The following PDE4DIP variants were observed in gnomAD, a reference collection of about 807,000 sequenced individuals.
PDE4DIP encodes myomegalin.
PDE4DIP carries 59 observed loss-of-function variants against 221.4 expected under a neutral mutation model. The observed-to-expected ratio is 0.27, with a 90% CI of 0.22 to 0.33. The LOEUF is 0.33. Among genes scored for constraint, PDE4DIP ranks in the 10% least tolerant of loss-of-function variants. The pLI is 1.00. For missense variants in PDE4DIP, 1,036 were observed against 2,154.2 expected (o/e 0.48, Z 10.28); for synonymous variants, 404 against 815.9 (o/e 0.50, Z 8.60).
chr1:148,943,990 A>C (rs1367564286), intron 5 of PDE4DIP, among the ~76,000 whole-genome samples: 1 of 152,152 alleles, frequency 6.6e-6, no homozygotes, highest in Non-Finnish European at 1.5e-5. Flanking sequence ...CCACCTCCTA[A>C]TACCATTATG....
intron 1 of PDE4DIP, among the ~76,000 whole-genome samples, chr1:148,824,713 C>T (rs1274714237): frequency 3.7e-5 from 1 of 26,854 alleles, no homozygotes. Context: ...AGGCTGAAGA[C>T]TATGCCAAGC....
At chr1:148,978,023 G>T in exon 18 of PDE4DIP, 1 of 1,613,936 alleles carries the variant, frequency 6.2e-7, no homozygotes, top group South Asian at 1.1e-5. Flanking sequence ...CTCTGACCAG[G>T]AACATACAGA....
At chr1:149,015,580 A>T (rs587688741) in intron 32 of PDE4DIP, among the ~76,000 whole-genome samples, 129 of 152,272 alleles carry the variant, frequency 8.5e-4, no homozygotes, top group Non-Finnish European at 1.5e-3. Context: ...AAGGCCTATG[A>T]TTTCAAAGGA....
At chr1:148,927,456 T>C (rs2046969997) in intron 1 of PDE4DIP, among the ~76,000 whole-genome samples, 1 of 152,056 alleles carries the variant, frequency 6.6e-6, no homozygotes, top group African/African-American at 2.4e-5. Context: ...GTTTCTACTT[T>C]TCCCAATTAG....
exon 27 of PDE4DIP, chr1:149,005,236 A>T: frequency 6.3e-7 from 1 of 1,594,468 alleles, no homozygotes; most frequent in South Asian, 1.1e-5. Flanking sequence ...GGCACCTTGG[A>T]GGGGTCTTCA....
At chr1:148,947,140 A>C (rs1462021275) in intron 5 of PDE4DIP, among the ~76,000 whole-genome samples, 3 of 152,302 alleles carry the variant, frequency 2.0e-5, no homozygotes, top group Non-Finnish European at 4.4e-5. Context: ...TTGATTTAAC[A>C]AATACTTTAA....
chr1:148,952,049 G>C (rs1553489476), intron 5 of PDE4DIP: 5 of 1,010,892 alleles, frequency 4.9e-6, no homozygotes, highest in Non-Finnish European at 5.9e-6. Flanking sequence ...ACGTGGCACT[G>C]TCCGAGAATG....
chr1:148,828,312 A>AT (rs587733287), intron 1 of PDE4DIP, among the ~76,000 whole-genome samples: 9 of 62,458 alleles, frequency 1.4e-4, no homozygotes, highest in Admixed American at 5.2e-4. Context: ...TGGCAGCAAT[A>AT]TTTTTTTTTT....
rs782508561 is a variant in PDE4DIP, at chr1:148,966,821, G to A, written c.1468-18G>A. 5 of 890,028 alleles carry A rather than the reference G, an allele frequency of 5.6e-6. No homozygotes were observed. The highest frequency in any genetic ancestry group is 5.2e-5 in the South Asian group (4 of 76,238). The allele number at this position is 890,028 out of a possible 1,614,324, so 55.1% of individuals were successfully genotyped here. On this transcript the variant is annotated intron_variant, in intron 11 of 43. Transcript: ENST00000369354. ...TAGTAAATCTTACAGAGCTTTAGGA[G>A]TCTTCCTTTCCTTGCAGCGGGCTAT...
chr1:148,992,209 T>C (rs782172523), intron 22 of PDE4DIP: 8 of 825,236 alleles, frequency 9.7e-6, no homozygotes, highest in South Asian at 3.0e-5. Context: ...TTTCTTCTGC[T>C]TCCTTCCCCC....
chr1:148,936,659 A>G (rs1362040218), intron 4 of PDE4DIP, among the ~76,000 whole-genome samples: 1 of 151,822 alleles, frequency 6.6e-6, no homozygotes, highest in African/African-American at 2.4e-5. Context: ...ATATAAAAAT[A>G]TTTTCCTTAT....
intron 22 of PDE4DIP, chr1:148,992,695 C>G (rs1553561105): frequency 9.4e-7 from 1 of 1,062,964 alleles, no homozygotes; most frequent in Non-Finnish European, 1.1e-6. Context: ...CCTATAATGT[C>G]TCCACTTTGT....
At position 149,030,291 on chromosome 1, in the gene PDE4DIP, C is replaced by T. The variant is rs1553635734; in HGVS notation, c.6999+13C>T. 1.3e-6 allele frequency: 2 copies of T among 1,529,686 alleles called. No individual in the cohort carries two copies. The highest frequency in any genetic ancestry group is 1.8e-6 in the Non-Finnish European group (2 of 1,127,716). The allele number at this position is 1,529,686 out of a possible 1,614,324, so 94.8% of individuals were successfully genotyped here. ...GACTAACTTAGAGGTAAGGAAACTA[C>T]TGCACCAGTCAGAGGCACCAAGCCT... On this transcript the variant is annotated intron_variant, in intron 43 of 43. Coordinates refer to ENST00000369354, the Ensembl canonical transcript of PDE4DIP.
intron 1 of PDE4DIP, among the ~76,000 whole-genome samples, chr1:148,832,674 G>A (rs1299170628): frequency 6.6e-6 from 1 of 151,910 alleles, no homozygotes; most frequent in Non-Finnish European, 1.5e-5. Flanking sequence ...AGGCCTTTCT[G>A]CATCTATTGA....
At chr1:148,981,303 G>A in exon 21 of PDE4DIP, 1 of 1,613,874 alleles carries the variant, frequency 6.2e-7, no homozygotes, top group Non-Finnish European at 8.5e-7. Context: ...AGGTGGAACT[G>A]GAAGGGGCTC....
intron 22 of PDE4DIP, among the ~76,000 whole-genome samples, chr1:148,995,607 A>G (rs587766670): frequency 1.1e-3 from 159 of 148,038 alleles, no homozygotes; most frequent in East Asian, 2.6e-3. Flanking sequence ...GGAAATGTGG[A>G]AAAAAAAACC....
chr1:149,029,807 A>T (rs782176118), exon 42 of PDE4DIP: 3 of 1,586,962 alleles, frequency 1.9e-6, no homozygotes, highest in Non-Finnish European at 2.6e-6. Context: ...CAGAAAGGGA[A>T]CTTCTGGAAC....
At chr1:149,009,690 G>A (rs2068012006) in exon 30 of PDE4DIP, 1 of 1,614,164 alleles carries the variant, frequency 6.2e-7, no homozygotes, top group East Asian at 2.2e-5. Context: ...TCTCCCAGCA[G>A]CACCTCTTTC....
At chr1:148,982,908 A>G (rs1356026796) in intron 21 of PDE4DIP, 1 of 152,140 alleles carries the variant, frequency 6.6e-6, no homozygotes, top group Admixed American at 6.5e-5. Flanking sequence ...CAGATAGAGC[A>G]TCAGTCAAAC....
Sources: gnomAD v4.1 joint callset for allele counts (sites outside exome capture counted in the v4.1 genomes callset) on GRCh38, gnomAD v4.1.1 for gene constraint, MANE v1.5 for transcripts, NCBI Gene and HGNC (gene_info 2026-07-23, HGNC 2026-07-21) for gene names.